The following ZNF483 variants were observed in gnomAD, a reference collection of about 807,000 sequenced individuals.
The protein encoded by ZNF483 is zinc finger protein HIT-10.
ZNF483 carries 9 observed loss-of-function variants against 28.6 expected under a neutral mutation model. The observed-to-expected ratio is 0.32, with a 90% confidence interval of 0.19 to 0.55. ZNF483 has a LOEUF of 0.55. Ranked by LOEUF, ZNF483 falls within the 20% of genes least tolerant of loss-of-function variation. The pLI is 0.93. For synonymous variants in ZNF483, 322 were observed against 306.2 expected (o/e 1.05, Z -0.54); for missense variants, 675 against 871.7 (o/e 0.77, Z 2.84).
chr9:111,550,820 C>T lies in ZNF483; in HGVS notation c.*7650C>T, dbSNP rs1336769397. ...TCCTTTTTTCTAATTGGTTTTGTTTCATAGGTGAAATATTTTTTCTCTGAG... is the reference window on the plus strand; with the variant it reads ...TCCTTTTTTCTAATTGGTTTTGTTTTATAGGTGAAATATTTTTTCTCTGAG... On this transcript the variant is annotated 3_prime_UTR_variant, in exon 6 of 6. Transcript: ENST00000309235. Among the ~76,000 whole-genome samples, 1 of 152,084 alleles carries T rather than the reference C, an allele frequency of 6.6e-6. No individual in the cohort carries two copies. Among genetic ancestry groups the T allele is most frequent in the Non-Finnish European group, 1.5e-5 (1 of 68,000 alleles).
chr9:111,525,236 T>A lies in ZNF483; in HGVS notation c.-155T>A, dbSNP rs1026215181. On this transcript the variant is annotated 5_prime_UTR_variant, in exon 1 of 6. Coordinates refer to ENST00000309235, the MANE Select transcript of ZNF483 (RefSeq NM_133464.5). ...TTCTGGAAGCTCTTTGCGGTGGCGT[T>A]GGTGCTGTTTGCGGATGCTGATGCA... 9 of 152,216 alleles carry A rather than the reference T, an allele frequency of 5.9e-5. No homozygotes were observed. The highest frequency in any genetic ancestry group is 1.3e-4 in the Non-Finnish European group (9 of 68,060). 9.4% of individuals were successfully genotyped at this position (152,216 alleles called of 1,614,324 possible).
rs74308678 is a variant in ZNF483, at chr9:111,562,842, T to C, written c.722-13523T>C. ...CAGCTCCCACTTATGAATGAAAACATACAGTGTTTGGAAAATTTTCACACT... is the reference window on the plus strand; with the variant it reads ...CAGCTCCCACTTATGAATGAAAACACACAGTGTTTGGAAAATTTTCACACT... On this transcript the variant is annotated intron_variant, in intron 5 of 5. Transcript: ENST00000358151. 3.2e-3 allele frequency: 2,483 copies of C among 774,896 alleles called. 119 individuals carry two copies. In the East Asian group the frequency reaches 0.1, roughly 32 times the overall value. The allele number at this position is 774,896 out of a possible 1,614,324, so 48.0% of individuals were successfully genotyped here.
intron 5 of ZNF483, chr9:111,564,120 A>AT (rs983724094): frequency 4.0e-5 from 15 of 371,660 alleles, no homozygotes; most frequent in Non-Finnish European, 4.8e-5. Context: ...ACATTTTCAG[A>AT]TTTTTTTAAG....
At position 111,541,973 on chromosome 9, in the gene ZNF483, T is replaced by C; in HGVS notation, c.1038T>C (p.Val346=). 6.2e-7 allele frequency: 1 copy of C among 1,614,114 alleles called. No homozygotes were observed. The highest frequency in any genetic ancestry group is 8.5e-7 in the Non-Finnish European group (1 of 1,180,016). Residue 346 remains valine, a synonymous_variant, in exon 6 of 6, where the codon GTT becomes GTC. Transcript: ENST00000309235. The part of the protein sequence containing the change: ...KKPFSFHSDL[V]LNRKEKTAGE... ...CCTTCAGTTTTCATTCAGACCTTGT[T>C]CTGAACCGCAAGGAGAAAACCGCCG... is the stretch of plus-strand genomic sequence containing the variant.
In ZNF483 at chr9:111,552,097, A is replaced by G. The variant is rs976304623; in HGVS notation, c.*8927A>G. Among the ~76,000 whole-genome samples, 6 of 152,212 alleles carry G rather than the reference A, an allele frequency of 3.9e-5. No individual in the cohort carries two copies. The highest frequency in any genetic ancestry group is 2.1e-4 in the South Asian group (1 of 4,834). On this transcript the variant is annotated 3_prime_UTR_variant, in exon 6 of 6. Transcript: ENST00000309235. Reference sequence around the variant, plus strand: ...CTTCAAATTTAGCTTGTTCATATGCAGCGTGATATTAGGGAGAAAATGTGA... The same window carrying G: ...CTTCAAATTTAGCTTGTTCATATGCGGCGTGATATTAGGGAGAAAATGTGA...
chr9:111,565,185 G>A (rs1828502036), intron 5 of ZNF483, among the ~76,000 whole-genome samples: 2 of 152,034 alleles, frequency 1.3e-5, no homozygotes, highest in African/African-American at 4.8e-5. Flanking sequence ...CAATATGACT[G>A]GTGTGCTTAT....
At chr9:111,570,028 T>C in intron 5 of ZNF483, 1 of 1,604,126 alleles carries the variant, frequency 6.2e-7, no homozygotes. Flanking sequence ...AACAAAAGCC[T>C]TGAGAGGCAA....
chr9:111,525,645 T>TG (rs1482445276), intron 1 of ZNF483, among the ~76,000 whole-genome samples: 1 of 152,050 alleles, frequency 6.6e-6, no homozygotes, highest in Non-Finnish European at 1.5e-5. Flanking sequence ...AGAGGACCGC[T>TG]GGGGGGTGAA....
At chr9:111,561,500 A>G (rs1828321296) in intron 5 of ZNF483, among the ~76,000 whole-genome samples, 1 of 152,102 alleles carries the variant, frequency 6.6e-6, no homozygotes, top group African/African-American at 2.4e-5. Flanking sequence ...CCTGGACTCA[A>G]ATGATCTCAC....
At chr9:111,561,982 C>A (rs1230510972) in intron 5 of ZNF483, among the ~76,000 whole-genome samples, 1 of 150,204 alleles carries the variant, frequency 6.7e-6, no homozygotes, top group East Asian at 2.0e-4. Flanking sequence ...GCCTCCTGGG[C>A]TCAAGCGATT....
chr9:111,545,373 C>G lies in ZNF483; in HGVS notation c.*2203C>G, dbSNP rs1335284736. On this transcript the variant is annotated 3_prime_UTR_variant, in exon 6 of 6. Coordinates refer to ENST00000309235, the MANE Select transcript of ZNF483 (RefSeq NM_133464.5). ...CTAACATTCATAACAATGTTTTATCCCAGTATCCATTGGGAATCTGGAGTA... is the reference window on the plus strand; with the variant it reads ...CTAACATTCATAACAATGTTTTATCGCAGTATCCATTGGGAATCTGGAGTA... Among the ~76,000 whole-genome samples, 1 of 152,014 alleles carries G rather than the reference C, an allele frequency of 6.6e-6. No homozygotes were observed. Among genetic ancestry groups the G allele is most frequent in the Admixed American group, 6.6e-5 (1 of 15,252 alleles).
At chr9:111,558,005 G>C (rs948785297), downstream of ZNF483, among the ~76,000 whole-genome samples, 5 of 152,134 alleles carry the variant, frequency 3.3e-5, no homozygotes, top group African/African-American at 1.2e-4. Context: ...AAATTAGCCA[G>C]GCATGGTGGT....
At chr9:111,576,646 CA>C in exon 6 of ZNF483, 1 of 499,436 alleles carries the variant, frequency 2.0e-6, no homozygotes, top group Non-Finnish European at 3.5e-6. Context: ...TTAAGGATTT[CA>C]GATTATAGTC....
chr9:111,527,168 G>A, intron 1 of ZNF483, 100 bp from the exon 2 acceptor site: 1 of 418,436 alleles, frequency 2.4e-6, no homozygotes. Context: ...TTGCTGGTAT[G>A]TGTGTGGATA....
At chr9:111,532,888 A>G (rs547411375) in intron 3 of ZNF483, among the ~76,000 whole-genome samples, 4 of 152,020 alleles carry the variant, frequency 2.6e-5, no homozygotes, top group Non-Finnish European at 5.9e-5. Flanking sequence ...CAGCCTGGGC[A>G]ACACAGTGAG....
At position 111,544,732 on chromosome 9, in the gene ZNF483, C is replaced by T. The variant is rs780056639; in HGVS notation, c.*1562C>T. Among the ~76,000 whole-genome samples, 13 of 152,124 alleles carry T rather than the reference C, an allele frequency of 8.5e-5. No homozygotes were observed. Among genetic ancestry groups the T allele is most frequent in the Non-Finnish European group, 1.9e-4 (13 of 68,026 alleles). The stretch of plus-strand genomic sequence containing the variant: ...AGTTTTCTTTTGTGAAATTAGACCT[C>T]AGAGGAATGGAATATACGGGTATTG... On this transcript the variant is annotated 3_prime_UTR_variant, in exon 6 of 6. Transcript: ENST00000309235.
intron 5 of ZNF483, among the ~76,000 whole-genome samples, chr9:111,573,759 G>A (rs1378494284): frequency 6.6e-6 from 1 of 152,136 alleles, no homozygotes; most frequent in Admixed American, 6.6e-5. Context: ...AAAATGAGAG[G>A]CCTGTACAAG....
At chr9:111,570,796 A>T (rs939755930) in intron 5 of ZNF483, among the ~76,000 whole-genome samples, 2 of 151,980 alleles carry the variant, frequency 1.3e-5, no homozygotes, top group Non-Finnish European at 2.9e-5. Flanking sequence ...TAAAAAGAAA[A>T]AAAGAACCTT....
chr9:111,537,809 TAG>T (rs1475960066), intron 5 of ZNF483, among the ~76,000 whole-genome samples: 3 of 152,096 alleles, frequency 2.0e-5, no homozygotes, highest in East Asian at 3.9e-4. Flanking sequence ...GTATTTTTTG[TAG>T]AGAGAGAGTT....
Sources: gnomAD v4.1 joint callset for allele counts (sites outside exome capture counted in the v4.1 genomes callset) on GRCh38, gnomAD v4.1.1 for gene constraint, MANE v1.5 for transcripts, NCBI Gene and HGNC (gene_info 2026-07-23, HGNC 2026-07-21) for gene names.